Variants in NCOA2 observed in about 807,000 individuals in gnomAD.
The protein encoded by NCOA2 is class E basic helix-loop-helix protein 75.
NCOA2 carries 21 observed loss-of-function variants against 145.1 expected under a neutral mutation model. The observed-to-expected ratio is 0.14, with a 90% CI of 0.10 to 0.21. The LOEUF (loss-of-function observed/expected upper bound fraction) is 0.21, where lower values mean the gene tolerates loss of function less well. Among genes scored for constraint, NCOA2 ranks in the 10% least tolerant of loss-of-function variants. The pLI is 1.00. For missense variants in NCOA2, 1,472 were observed against 1,837.6 expected, an observed-to-expected ratio of 0.80 and a Z score of 3.64; for synonymous variants, 619 against 637.5, an observed-to-expected ratio of 0.97 and a Z score of 0.44.
intron 10 of NCOA2, among the ~76,000 whole-genome samples, chr8:70,158,333 G>A (rs147058292): frequency 6.6e-6 from 1 of 152,146 alleles, no homozygotes; most frequent in Non-Finnish European, 1.5e-5. Context: ...GATAACTAAT[G>A]AAATTTAATC....
intron 1 of NCOA2, among the ~76,000 whole-genome samples, chr8:70,375,062 C>T (rs1436319397): frequency 6.6e-6 from 1 of 151,912 alleles, no homozygotes; most frequent in Non-Finnish European, 1.5e-5. Context: ...AAAAAGATAT[C>T]AATAAACTGC....
At chr8:70,301,655 CAAAAA>C (rs71275063) in intron 1 of NCOA2, among the ~76,000 whole-genome samples, 26 of 60,156 alleles carry the variant, frequency 4.3e-4, no homozygotes, top group African/African-American at 1.3e-3. Context: ...GACCCTTTCT[CAAAAA>C]AAAAAAAAAA....
chr8:70,284,630 A>T (rs144602004), intron 2 of NCOA2, among the ~76,000 whole-genome samples: 35 of 152,260 alleles, frequency 2.3e-4, no homozygotes, highest in African/African-American at 7.2e-4. Flanking sequence ...GGCTAACTTA[A>T]TGAGCATCCA....
At chr8:70,449,000 C>T in the NCOA2 span, among the ~76,000 whole-genome samples, 3 of 152,020 alleles carry the variant, frequency 2.0e-5, no homozygotes, top group Non-Finnish European at 4.4e-5. Context: ...GAGATGGGGT[C>T]TTACTGTGTT....
chr8:70,192,772 T>C (rs1404950739), intron 4 of NCOA2, among the ~76,000 whole-genome samples: 1 of 152,062 alleles, frequency 6.6e-6, no homozygotes, highest in African/African-American at 2.4e-5. Context: ...TTAACATCAA[T>C]AAAAATGGAG....
At chr8:70,411,830 G>A in the NCOA2 span, among the ~76,000 whole-genome samples, 12 of 152,340 alleles carry the variant, frequency 7.9e-5, no homozygotes, top group South Asian at 1.2e-3. Flanking sequence ...TTGCCAGGTA[G>A]GTGCGGCCTA....
At chr8:70,417,094 G>GT in the NCOA2 span, among the ~76,000 whole-genome samples, 2 of 151,860 alleles carry the variant, frequency 1.3e-5, no homozygotes, top group African/African-American at 4.8e-5. Context: ...TGGTCATGTG[G>GT]TTGTAGCTAG....
the NCOA2 span, among the ~76,000 whole-genome samples, chr8:70,446,761 T>C: frequency 1.3e-5 from 2 of 152,142 alleles, no homozygotes; most frequent in South Asian, 4.1e-4. Flanking sequence ...TCTTTTTTTT[T>C]CCAACAAGTT....
chr8:70,256,822 A>T (rs761975680), intron 2 of NCOA2, among the ~76,000 whole-genome samples: 52 of 152,334 alleles, frequency 3.4e-4, no homozygotes, highest in Non-Finnish European at 6.0e-4. Context: ...CTGTGCTCTC[A>T]ATCACAATAC....
intron 1 of NCOA2, among the ~76,000 whole-genome samples, chr8:70,399,384 A>G (rs990112118): frequency 1.3e-5 from 2 of 152,208 alleles, no homozygotes; most frequent in Admixed American, 6.5e-5. Flanking sequence ...GTACAAAAAA[A>G]CTGAAGGTTT....
intron 11 of NCOA2, among the ~76,000 whole-genome samples, chr8:70,152,175 G>A (rs755340824): frequency 6.6e-6 from 1 of 152,128 alleles, no homozygotes; most frequent in Non-Finnish European, 1.5e-5. Context: ...ACTATTTCAG[G>A]CAGAAAATGA....
intron 4 of NCOA2, among the ~76,000 whole-genome samples, chr8:70,213,299 A>G (rs563078720): frequency 6.6e-6 from 1 of 152,172 alleles, no homozygotes; most frequent in Non-Finnish European, 1.5e-5. Flanking sequence ...ATTTTTCTGT[A>G]GGCATAAATA....
At chr8:70,228,334 T>TC (rs1820848508) in intron 2 of NCOA2, among the ~76,000 whole-genome samples, 1 of 152,160 alleles carries the variant, frequency 6.6e-6, no homozygotes, top group Admixed American at 6.5e-5. Flanking sequence ...TACAGTGGAG[T>TC]CCAATTCTCT....
At chr8:70,220,817 T>C (rs975754732) in intron 2 of NCOA2, among the ~76,000 whole-genome samples, 16 of 152,208 alleles carry the variant, frequency 1.1e-4, no homozygotes, top group Non-Finnish European at 1.9e-4. Flanking sequence ...CAAGACAGCC[T>C]ATCTTCCAAA....
At chr8:70,355,802 C>T (rs1809636357) in intron 1 of NCOA2, among the ~76,000 whole-genome samples, 1 of 152,118 alleles carries the variant, frequency 6.6e-6, no homozygotes, top group Non-Finnish European at 1.5e-5. Context: ...AGTTGTAATT[C>T]ATTAGTATAT....
At chr8:70,372,677 T>C (rs1166091298) in intron 1 of NCOA2, among the ~76,000 whole-genome samples, 4 of 152,214 alleles carry the variant, frequency 2.6e-5, no homozygotes, top group African/African-American at 9.6e-5. Context: ...TGTGTAAGTC[T>C]GGTATGTTTT....
chr8:70,175,825 T>A (rs945773614), intron 4 of NCOA2, among the ~76,000 whole-genome samples: 2 of 152,126 alleles, frequency 1.3e-5, no homozygotes, highest in African/African-American at 4.8e-5. Context: ...AAACTGTAAA[T>A]CAATTTAGCA....
chr8:70,190,160 C>A (rs1478053246), intron 4 of NCOA2, among the ~76,000 whole-genome samples: 2 of 152,148 alleles, frequency 1.3e-5, no homozygotes, highest in Non-Finnish European at 2.9e-5. Context: ...ATTATCCTCT[C>A]AGGATAAATC....
chr8:70,233,315 A>T (rs1438434377), intron 2 of NCOA2, among the ~76,000 whole-genome samples: 2 of 152,210 alleles, frequency 1.3e-5, no homozygotes, highest in African/African-American at 4.8e-5. Context: ...ATTCAGTATT[A>T]TTTCTGCAGT....
Sources: allele counts gnomAD v4.1 joint callset (sites outside exome capture counted in the v4.1 genomes callset), GRCh38; gene constraint gnomAD v4.1.1; transcripts MANE v1.5; gene names NCBI Gene and HGNC (gene_info 2026-07-23, HGNC 2026-07-21).